KLHL23: variants seen among roughly 807,000 people sequenced by gnomAD.
The protein encoded by KLHL23 is kelch-like protein 23.
KLHL23 carries 33 observed loss-of-function variants against 48.9 expected under a neutral mutation model. The ratio of observed to expected loss-of-function variants is 0.67; its 90% CI spans 0.51 to 0.90. The LOEUF is 0.90. KLHL23 is among the 40% of genes least tolerant of loss of function. The pLI, the probability that KLHL23 is intolerant of heterozygous loss-of-function variation, is 0.00. For synonymous variants in KLHL23, 234 were observed against 231.6 expected (o/e 1.01, Z -0.09); for missense variants, 608 against 669.6 (o/e 0.91, Z 1.02).
Position 169,734,870 on chromosome 2 carries a change from A to G in KLHL23, c.-2-143A>G. 2.7e-6 allele frequency: 3 copies of G among 1,127,164 alleles called. No individual in the cohort carries two copies. In the South Asian group the frequency reaches 5.9e-5, roughly 22 times the overall value. 69.8% of individuals were successfully genotyped at this position (1,127,164 alleles called of 1,614,324 possible). ...CACCATATAAATGATCAAACAGTCCATCCACATTTTGCATTTATTATTTAG... is the reference window on the plus strand; with the variant it reads ...CACCATATAAATGATCAAACAGTCCGTCCACATTTTGCATTTATTATTTAG... On this transcript the variant is annotated intron_variant, in intron 1 of 3. Transcript: ENST00000392647.
At chr2:169,737,046 G>C (rs1326447045) in intron 2 of KLHL23, among the ~76,000 whole-genome samples, 1 of 152,174 alleles carries the variant, frequency 6.6e-6, no homozygotes, top group Admixed American at 6.5e-5. Flanking sequence ...TTGGGATCAG[G>C]CACGCTGCCT....
At position 169,736,744 on chromosome 2, in the gene KLHL23, T is replaced by C. The variant is rs146519573; in HGVS notation, c.1213+517T>C. On this transcript the variant is annotated intron_variant, in intron 2 of 3. Coordinates refer to ENST00000392647, the MANE Select transcript of KLHL23 (RefSeq NM_144711.6). ...GTCTCGGTATCTGTCTGATAAACAC[T>C]ATTTTCTGCTGTGTTTGGCGATTTG... Among the ~76,000 whole-genome samples the C allele has an allele frequency of 8.0e-3, 1,217 of 152,336 alleles. 14 individuals carry two copies. Among genetic ancestry groups the C allele is most frequent in the Middle Eastern group, 0.024 (7 of 294 alleles).
rs1170602067 is a variant in KLHL23 at position 169,738,392 on chromosome 2, C to T, written c.1213+2165C>T. ...AAAGTGCGGGGATTATAGGTGTGAA[C>T]CACCACACCCAGCCATACTGAACTT... On this transcript the variant is annotated intron_variant, in intron 2 of 3. Coordinates refer to ENST00000392647, the MANE Select transcript of KLHL23 (RefSeq NM_144711.6). Among the ~76,000 whole-genome samples the T allele has an allele frequency of 2.0e-5, 3 of 152,102 alleles. No homozygotes were observed. The East Asian group carries it at 5.8e-4, about 29-fold the overall frequency.
chr2:169,750,028 C>CATACACACGTATATATACACAT lies in KLHL23; in HGVS notation c.*299_*300insCACACGTATATATACACATATA, dbSNP rs1688920352. 6.3e-5 allele frequency: 1 copy of CATACACACGTATATATACACAT among 15,916 alleles called. No homozygotes were observed. The highest frequency in any genetic ancestry group is 7.9e-4 in the Admixed American group (1 of 1,262). The allele number at this position is 15,916 out of a possible 1,614,324, so 1.0% of individuals were successfully genotyped here. A position where few individuals can be genotyped will look rare whatever the true frequency, so the allele number is the denominator to read the frequency against. On this transcript the variant is annotated 3_prime_UTR_variant, in exon 4 of 4. Transcript: ENST00000392647. ...GTGTATATATACGTATGTATGTATA[C>CATACACACGTATATATACACAT]ATATGTGTATATATAGTATGTATGT...
chr2:169,744,723 A>G (rs1256151654), intron 3 of KLHL23, among the ~76,000 whole-genome samples: 1 of 151,874 alleles, frequency 6.6e-6, no homozygotes, highest in Non-Finnish European at 1.5e-5. Context: ...TTGCCCGGCT[A>G]ATTTTTCATA....
In KLHL23 at chr2:169,749,940, C is replaced by CAT. The variant is rs1553478027; in HGVS notation, c.*213_*214dup. On this transcript the variant is annotated 3_prime_UTR_variant, in exon 4 of 4. Coordinates refer to ENST00000392647, the MANE Select transcript of KLHL23 (RefSeq NM_144711.6). ...ATATATATATATATATACACACACA[C>CAT]ATATATGTGTTCATATATATGTATA... 9.5e-3 allele frequency: 1,873 copies of CAT among 197,182 alleles called. 120 individuals carry two copies. Among genetic ancestry groups the CAT allele is most frequent in the East Asian group, 0.032 (441 of 13,612 alleles). 12.2% of individuals were successfully genotyped at this position (197,182 alleles called of 1,614,324 possible). A position where few individuals can be genotyped will look rare whatever the true frequency, so the allele number is the denominator to read the frequency against.
At chr2:169,743,798 G>T (rs147096307) in intron 3 of KLHL23, among the ~76,000 whole-genome samples, 2 of 152,162 alleles carry the variant, frequency 1.3e-5, no homozygotes, top group South Asian at 4.1e-4. Flanking sequence ...CTCCCAGCTG[G>T]CTTTGCTCAG....
intron 1 of KLHL23, 125 bp downstream of exon 1, chr2:169,734,212 G>T: frequency 6.8e-6 from 1 of 147,696 alleles, no homozygotes; most frequent in South Asian, 1.8e-4. Flanking sequence ...CGCGGGAGAG[G>T]AGCGCAGACA....
At chr2:169,739,885 G>A (rs1297067622) in intron 2 of KLHL23, among the ~76,000 whole-genome samples, 1 of 152,156 alleles carries the variant, frequency 6.6e-6, no homozygotes, top group African/African-American at 2.4e-5. Context: ...GACCTGTACA[G>A]CATGTTACTA....
At position 169,749,637 on chromosome 2, in the gene KLHL23, G is replaced by A; in HGVS notation, c.1582G>A (p.Glu528Lys). 1.2e-6 allele frequency: 2 copies of A among 1,614,100 alleles called. No homozygotes were observed. The highest frequency in any genetic ancestry group is 1.7e-6 in the Non-Finnish European group (2 of 1,180,020). ...YSKGTYLQSI[E>K]KYDPDLNKWE... ...AAAGGGAACGTATCTTCAGAGCATT[G>A]AGAAATATGATCCAGATCTTAATAA... Residue 528 changes from glutamate to lysine, a missense_variant, in exon 4 of 4, where the codon GAG becomes AAG. Glu to Lys is a moderately conservative substitution (Grantham distance 56). Around this residue, in one of 3 missense-constraint regions of KLHL23, gnomAD observed 179 missense variants for 169.9 expected, o/e 1.05. Transcript: ENST00000392647.
Position 169,750,935 on chromosome 2 carries a change from G to T in KLHL23, c.*1203G>T, listed in dbSNP as rs1688957188. 6.6e-6 allele frequency: 1 copy of T among 152,204 alleles called. No individual in the cohort carries two copies. Among genetic ancestry groups the T allele is most frequent in the South Asian group, 2.1e-4 (1 of 4,832 alleles). 9.4% of individuals were successfully genotyped at this position (152,204 alleles called of 1,614,324 possible). ...GCATGTAGAGCAGTTGTGATTAGTA[G>T]AAAATACACTGACAAGAAGATATTT... is the stretch of plus-strand genomic sequence containing the variant. On this transcript the variant is annotated 3_prime_UTR_variant, in exon 4 of 4. Transcript: ENST00000392647.
rs1227141371 is a variant in KLHL23, at chr2:169,749,938, CACATATATGTGTTCATATATATGTAT to C, written c.*215_*240del. On this transcript the variant is annotated 3_prime_UTR_variant, in exon 4 of 4. Coordinates refer to ENST00000392647, the MANE Select transcript of KLHL23 (RefSeq NM_144711.6). ...TTATATATATATATATATACACACA[CACATATATGTGTTCATATATATGTAT>C]ACATATATATGTGTATATATACGTA... is the stretch of plus-strand genomic sequence containing the variant. The C allele has an allele frequency of 7.0e-5, 14 of 201,002 alleles. No homozygotes were observed. Among genetic ancestry groups the C allele is most frequent in the African/African-American group, 6.3e-4 (13 of 20,790 alleles). 12.5% of individuals were successfully genotyped at this position (201,002 alleles called of 1,614,324 possible). A position where few individuals can be genotyped will look rare whatever the true frequency, so the allele number is the denominator to read the frequency against.
At chr2:169,744,163 C>A (rs531645433) in intron 3 of KLHL23, among the ~76,000 whole-genome samples, 2 of 152,014 alleles carry the variant, frequency 1.3e-5, no homozygotes, top group Non-Finnish European at 2.9e-5. Flanking sequence ...TCTTTACTGC[C>A]GTAGGAGCTC....
chr2:169,745,920 G>A (rs1279540070), intron 3 of KLHL23, among the ~76,000 whole-genome samples: 1 of 152,242 alleles, frequency 6.6e-6, no homozygotes, highest in Non-Finnish European at 1.5e-5. Context: ...ATGTGGGTTT[G>A]CAGCTGAGAA....
rs758528121 is a variant in KLHL23, at chr2:169,735,410, G to A, written c.396G>A (p.Arg132=). 5.6e-6 allele frequency: 9 copies of A among 1,613,558 alleles called. No individual in the cohort carries two copies. The highest frequency in any genetic ancestry group is 6.8e-6 in the Non-Finnish European group (8 of 1,179,964). ...AGGCTTGTGAGCGGTTTTTGGTAAG[G>A]CACTTGGATATTGATAATTGTATTG... is the stretch of plus-strand genomic sequence containing the variant. The part of the protein sequence containing the change: ...VKKACERFLV[R]HLDIDNCIGM... The change falls in exon 2 of 4, where the codon AGG becomes AGA. Residue 132 remains arginine, a synonymous_variant. Coordinates refer to ENST00000392647, the MANE Select transcript of KLHL23 (RefSeq NM_144711.6). The surrounding 1 kb of genome is among the most constrained non-coding windows in gnomAD (Gnocchi z 4.5).
intron 3 of KLHL23, among the ~76,000 whole-genome samples, chr2:169,744,776 C>T (rs2105653397): frequency 6.6e-6 from 1 of 152,104 alleles, no homozygotes; most frequent in East Asian, 1.9e-4. Flanking sequence ...CCAGGCTGGT[C>T]TCAAACTCCT....
chr2:169,750,551 A>ATT lies in KLHL23; in HGVS notation c.*819_*820insTT. 6.6e-6 allele frequency: 1 copy of ATT among 151,840 alleles called. No individual in the cohort carries two copies. The highest frequency in any genetic ancestry group is 1.9e-4 in the East Asian group (1 of 5,184). The allele number at this position is 151,840 out of a possible 1,614,324, so 9.4% of individuals were successfully genotyped here. The stretch of plus-strand genomic sequence containing the variant: ...GAATCTTCTCTACCTCTACAAAATC[A>ATT]ACCCTTAACACTTTTTTCACCTTCA... On this transcript the variant is annotated 3_prime_UTR_variant, in exon 4 of 4. Coordinates refer to ENST00000392647, the MANE Select transcript of KLHL23 (RefSeq NM_144711.6).
chr2:169,735,734 C>T lies in KLHL23; in HGVS notation c.720C>T (p.Gly240=), dbSNP rs953435201. 3 of 1,614,006 alleles carry T rather than the reference C, an allele frequency of 1.9e-6. No homozygotes were observed. The highest frequency in any genetic ancestry group is 1.1e-5 in the South Asian group (1 of 91,078). ...IDPVYLKTAL[G]LQRSCLLTEN... ...CAGTGTACTTAAAAACAGCCTTAGG[C>T]CTTCAAAGAAGCTGCCTGCTCACCG... is the stretch of plus-strand genomic sequence containing the variant. The change falls in exon 2 of 4, where the codon GGC becomes GGT. Residue 240 remains glycine, a synonymous_variant. Transcript: ENST00000392647. The surrounding 1 kb of genome is among the most constrained non-coding windows in gnomAD (Gnocchi z 4.5).
rs1558944650 is a variant in KLHL23 at position 169,735,396 on chromosome 2, C to T, written c.382C>T (p.Arg128Trp). ...CCTTTCAGTAAAGAAGGCTTGTGAGCGGTTTTTGGTAAGGCACTTGGATAT... is the reference window on the plus strand; with the variant it reads ...CCTTTCAGTAAAGAAGGCTTGTGAGTGGTTTTTGGTAAGGCACTTGGATAT... ...QFLSVKKACE[R>W]FLVRHLDIDN... The change falls in exon 2 of 4, where the codon CGG (arginine) becomes TGG (tryptophan). Residue 128 changes from arginine to tryptophan, a missense_variant. By Grantham distance (101) the Arg-to-Trp change is moderately radical. Around this residue, in one of 3 missense-constraint regions of KLHL23, gnomAD observed 419 missense variants for 473.1 expected, o/e 0.89. Transcript: ENST00000392647. The surrounding 1 kb of genome is among the most constrained non-coding windows in gnomAD (Gnocchi z 4.5). The T allele has an allele frequency of 1.2e-6, 2 of 1,613,312 alleles. No homozygotes were observed. The highest frequency in any genetic ancestry group is 1.7e-5 in the Admixed American group (1 of 59,920).
Sources: allele counts gnomAD v4.1 joint callset (sites outside exome capture counted in the v4.1 genomes callset), GRCh38; gene constraint gnomAD v4.1.1; regional missense constraint gnomAD v4.1.1; non-coding constraint Gnocchi (gnomAD v3.1); transcripts MANE v1.5; gene names NCBI Gene and HGNC (gene_info 2026-07-23, HGNC 2026-07-21).